The following SRGAP1 variants were observed in gnomAD, a reference collection of about 807,000 sequenced individuals.
SRGAP1 encodes SLIT-ROBO Rho GTPase activating protein 1, also known as SLIT-ROBO Rho GTPase-activating protein 1.
SRGAP1 carries 43 observed loss-of-function variants against 121.9 expected under a neutral mutation model. The ratio of observed to expected loss-of-function variants is 0.35; its 90% confidence interval spans 0.28 to 0.46. The LOEUF is 0.46. Ranked by LOEUF, SRGAP1 falls within the 20% of genes least tolerant of loss-of-function variation. SRGAP1 has a pLI of 1.00. For missense variants in SRGAP1, 1,102 were observed against 1,350.9 expected (o/e 0.82, Z 2.89); for synonymous variants, 447 against 485.4 (o/e 0.92, Z 1.04).
Position 63,844,758 on chromosome 12 carries a change from C to A in SRGAP1, c.-59C>A. 1.3e-6 allele frequency: 2 copies of A among 1,545,668 alleles called. No individual in the cohort carries two copies. Among genetic ancestry groups the A allele is most frequent in the East Asian group, 4.5e-5 (2 of 44,606 alleles). On this transcript the variant is annotated 5_prime_UTR_variant, in exon 1 of 22. Transcript: ENST00000355086. The surrounding 1 kb of genome is among the most constrained non-coding windows in gnomAD (Gnocchi z 4.3). ...TACAACTCTGCCTCTCCAAGGAGAA[C>A]GGGTTGTGACCACTGAACAAAACTT...
intron 1 of SRGAP1, among the ~76,000 whole-genome samples, chr12:63,937,034 C>T (rs962042313): frequency 6.6e-6 from 1 of 151,968 alleles, no homozygotes; most frequent in African/African-American, 2.4e-5. Context: ...TGTTCTATGC[C>T]CAGGTAACAT....
chr12:63,862,702 G>A (rs1238554407), intron 1 of SRGAP1, among the ~76,000 whole-genome samples: 11 of 152,214 alleles, frequency 7.2e-5, no homozygotes, highest in African/African-American at 2.2e-4. Flanking sequence ...GAAGACATCC[G>A]TTTGCTCATC....
chr12:64,080,325 A>C lies in SRGAP1; in HGVS notation c.1363A>C (p.Lys455Gln). 6.2e-7 allele frequency: 1 copy of C among 1,614,026 alleles called. No homozygotes were observed. Among genetic ancestry groups the C allele is most frequent in the Non-Finnish European group, 8.5e-7 (1 of 1,179,956 alleles). ...TTTGGAAGGCAGTAATCTCATCACA[A>C]AACTTCAAGCCAAACATGACTTGCT... Reference protein sequence around the residue: ...EYLEGSNLITKLQAKHDLLQR... With the variant: ...EYLEGSNLITQLQAKHDLLQR... Residue 455 changes from lysine to glutamine, a missense_variant, in exon 10 of 22, where the codon AAA becomes CAA. Physicochemically the swap from Lys to Gln is moderately conservative, Grantham distance 53. Around this residue, in one of 3 missense-constraint regions of SRGAP1, gnomAD observed 747 missense variants for 929.4 expected, o/e 0.80. Coordinates refer to ENST00000355086, the MANE Select transcript of SRGAP1 (RefSeq NM_020762.4).
At chr12:63,894,781 T>G (rs1900700021) in intron 1 of SRGAP1, among the ~76,000 whole-genome samples, 1 of 152,212 alleles carries the variant, frequency 6.6e-6, no homozygotes, top group Non-Finnish European at 1.5e-5. Context: ...TTCATCCATG[T>G]CCCTACAAAG....
intron 21 of SRGAP1, among the ~76,000 whole-genome samples, chr12:64,139,802 A>G (rs1478427113): frequency 1.3e-5 from 2 of 152,294 alleles, no homozygotes; most frequent in African/African-American, 4.8e-5. Context: ...TGTTTTAGAC[A>G]TGAAGTCCTT....
intron 3 of SRGAP1, among the ~76,000 whole-genome samples, chr12:64,000,868 G>A (rs1239035743): frequency 6.6e-6 from 1 of 152,064 alleles, no homozygotes; most frequent in Non-Finnish European, 1.5e-5. Flanking sequence ...ATAAGCAAGA[G>A]GAGAAGAAAG....
chr12:63,970,271 G>A (rs575445707), intron 1 of SRGAP1, among the ~76,000 whole-genome samples: 1 of 152,280 alleles, frequency 6.6e-6, no homozygotes, highest in South Asian at 2.1e-4. Context: ...TGGGGATTTG[G>A]ATGAAGGAGG....
chr12:64,073,776 A>G (rs1180052832), intron 8 of SRGAP1, among the ~76,000 whole-genome samples: 1 of 150,626 alleles, frequency 6.6e-6, no homozygotes, highest in African/African-American at 2.4e-5. Flanking sequence ...TACAGAATCC[A>G]TAAAAAAAAA....
At chr12:63,863,084 T>A (rs58424013) in intron 1 of SRGAP1, among the ~76,000 whole-genome samples, 42,988 of 151,970 alleles carry the variant, frequency 0.28, 7,014 homozygotes, top group East Asian at 0.55. Flanking sequence ...TTTTATTTAC[T>A]TCATGACAGA....
intron 1 of SRGAP1, chr12:63,887,817 T>C (rs1900442317): frequency 6.6e-6 from 1 of 152,268 alleles, no homozygotes; most frequent in Non-Finnish European, 1.5e-5. Context: ...GGTCTTCAGC[T>C]CTTCATCCTC....
chr12:64,124,867 G>A (rs987162580), intron 18 of SRGAP1, among the ~76,000 whole-genome samples: 6 of 151,924 alleles, frequency 3.9e-5, no homozygotes, highest in African/African-American at 1.5e-4. Context: ...GCCAGTTTCT[G>A]TCAATGGTGA....
chr12:63,945,045 C>T (rs755070580), intron 1 of SRGAP1, among the ~76,000 whole-genome samples: 1 of 152,090 alleles, frequency 6.6e-6, no homozygotes, highest in Non-Finnish European at 1.5e-5. Context: ...CTGGCAGAGC[C>T]CACAGGAAGC....
In SRGAP1 at chr12:64,157,122, A is replaced by T. The variant is rs2037170036; in HGVS notation, c.*14450A>T. ...AGTGAGGTGGCTTTCCCACCCCTCAACACTCCTTCAGACCCCCACTGTAAC... is the reference window on the plus strand; with the variant it reads ...AGTGAGGTGGCTTTCCCACCCCTCATCACTCCTTCAGACCCCCACTGTAAC... On this transcript the variant is annotated 3_prime_UTR_variant, in exon 22 of 22. Coordinates refer to ENST00000355086, the MANE Select transcript of SRGAP1 (RefSeq NM_020762.4). The T allele has an allele frequency of 6.6e-6, 1 of 152,216 alleles. No homozygotes were observed. Among genetic ancestry groups the T allele is most frequent in the African/African-American group, 2.4e-5 (1 of 41,438 alleles). The allele number at this position is 152,216 out of a possible 1,614,324, so 9.4% of individuals were successfully genotyped here. A position where few individuals can be genotyped will look rare whatever the true frequency, so the allele number is the denominator to read the frequency against.
At chr12:63,878,522 G>T (rs925536312) in intron 1 of SRGAP1, among the ~76,000 whole-genome samples, 7 of 152,178 alleles carry the variant, frequency 4.6e-5, no homozygotes, top group African/African-American at 1.7e-4. Context: ...GTGCATGTTT[G>T]TGTTTGTGTG....
chr12:64,047,753 G>A (rs28366579), intron 6 of SRGAP1, among the ~76,000 whole-genome samples: 87,854 of 151,562 alleles, frequency 0.58, 25,762 homozygotes, highest in South Asian at 0.67. Flanking sequence ...TAAATTTTCC[G>A]TAGAAACTAT....
intron 4 of SRGAP1, among the ~76,000 whole-genome samples, chr12:64,034,081 T>C (rs541644662): frequency 4.6e-5 from 7 of 152,264 alleles, no homozygotes; most frequent in Admixed American, 6.5e-5. Context: ...TTCACTGATA[T>C]GGTTTGGCTC....
intron 1 of SRGAP1, among the ~76,000 whole-genome samples, chr12:63,861,607 A>G (rs1350040873): frequency 6.6e-6 from 1 of 151,980 alleles, no homozygotes; most frequent in Non-Finnish European, 1.5e-5. Flanking sequence ...CCAGGCATAA[A>G]TTTTTATATG....
chr12:64,059,973 G>A (rs971168413), intron 6 of SRGAP1, among the ~76,000 whole-genome samples: 1 of 151,528 alleles, frequency 6.6e-6, no homozygotes, highest in East Asian at 1.9e-4. Context: ...TTTCTGCTTG[G>A]GGAAATAGCA....
rs1292652254 is a variant in SRGAP1 at position 64,095,144 on chromosome 12, A to G, written c.1618A>G (p.Ile540Val). The G allele has an allele frequency of 6.2e-7, 1 of 1,613,848 alleles. No individual in the cohort carries two copies. Among genetic ancestry groups the G allele is most frequent in the Non-Finnish European group, 8.5e-7 (1 of 1,179,982 alleles). Residue 540 changes from isoleucine to valine, a missense_variant, in exon 14 of 22, where the codon ATT (isoleucine) becomes GTT (valine). This residue lies in a region of SRGAP1 where 747 missense variants were observed against 929.4 expected (regional missense o/e 0.80). Transcript: ENST00000355086. ...INLYGLQHQG[I>V]FRVSGSQVEV... ...CTCTTTAGGTCTTCAGCATCAGGGG[A>G]TTTTCAGAGTGTCTGGTTCCCAGGT...
Sources: allele counts gnomAD v4.1 joint callset (sites outside exome capture counted in the v4.1 genomes callset), GRCh38; gene constraint gnomAD v4.1.1; regional missense constraint gnomAD v4.1.1; non-coding constraint Gnocchi (gnomAD v3.1); transcripts MANE v1.5; gene names NCBI Gene and HGNC (gene_info 2026-07-23, HGNC 2026-07-21).